LRRFIP1: variants seen among roughly 807,000 people sequenced by gnomAD.
LRRFIP1 encodes the protein LRR binding FLII interacting protein 1.
Under a neutral mutation model 104.4 loss-of-function variants are expected in LRRFIP1, and 62 were observed. That is an observed-to-expected ratio of 0.59 (90% CI 0.48 to 0.73). The LOEUF (loss-of-function observed/expected upper bound fraction) is 0.73. Among genes scored for constraint, LRRFIP1 ranks in the 30% least tolerant of loss-of-function variants. The probability of loss-of-function intolerance (pLI) is 0.00; values close to 1 mark genes in which losing one functional copy is unlikely to be tolerated. For missense variants in LRRFIP1, 796 were observed against 824.5 expected, an observed-to-expected ratio of 0.97 and a Z score of 0.42; for synonymous variants, 300 against 299.0, an observed-to-expected ratio of 1.00 and a Z score of -0.03.
intron 1 of LRRFIP1, among the ~76,000 whole-genome samples, chr2:237,677,572 G>A (rs568110675): frequency 1.2e-4 from 18 of 152,260 alleles, no homozygotes; most frequent in African/African-American, 3.6e-4. Flanking sequence ...CAGGAGGATC[G>A]CTTAAGGCCA....
At chr2:237,708,492 T>G (rs1013994330) in intron 1 of LRRFIP1, 52 bp from the exon 2 acceptor site, 10 of 1,387,828 alleles carry the variant, frequency 7.2e-6, no homozygotes, top group Non-Finnish European at 9.8e-6. Context: ...GACCCTGTAC[T>G]GGGAAGGTGC....
intron 17 of LRRFIP1, among the ~76,000 whole-genome samples, chr2:237,758,151 A>T (rs746687523): frequency 1.3e-5 from 2 of 148,666 alleles, no homozygotes; most frequent in Non-Finnish European, 3.0e-5. Context: ...ACGTCGAGAT[A>T]CCTGCACAAA....
intron 1 of LRRFIP1, among the ~76,000 whole-genome samples, chr2:237,638,403 CA>C (rs1460871171): frequency 1.3e-5 from 2 of 152,204 alleles, no homozygotes; most frequent in Non-Finnish European, 2.9e-5. Flanking sequence ...GCTGTAAATA[CA>C]GATGAAGCTT....
At position 237,642,135 on chromosome 2, in the gene LRRFIP1, G is replaced by A. The variant is rs547675961; in HGVS notation, c.96+14395G>A. ...GTGTTTCCACCTGGCAAGGGGAGGCGATACTGGGTGGCTGTGAGGAGTCTA... is the reference window on the plus strand; with the variant it reads ...GTGTTTCCACCTGGCAAGGGGAGGCAATACTGGGTGGCTGTGAGGAGTCTA... On this transcript the variant is annotated intron_variant, in intron 1 of 23. Coordinates refer to ENST00000308482, the MANE Select transcript of LRRFIP1 (RefSeq NM_001137550.2). Among the ~76,000 whole-genome samples, 42 of 152,340 alleles carry A rather than the reference G, an allele frequency of 2.8e-4. No individual in the cohort carries two copies. In the South Asian group the frequency reaches 3.9e-3, roughly 14 times the overall value.
chr2:237,764,941 C>T (rs2060160485), intron 19 of LRRFIP1: 1 of 985,304 alleles, frequency 1.0e-6, no homozygotes, highest in South Asian at 4.7e-5. Flanking sequence ...TTTCCTACTG[C>T]AGTATTTGAG....
At chr2:237,749,502 T>C (rs1306635542) in intron 13 of LRRFIP1, among the ~76,000 whole-genome samples, 178 bp downstream of exon 13, 1 of 152,124 alleles carries the variant, frequency 6.6e-6, no homozygotes, top group Non-Finnish European at 1.5e-5. Context: ...AGATAGTGTC[T>C]CCTGCAGGAA....
chr2:237,692,070 G>A (rs1484955315), intron 1 of LRRFIP1: 1 of 496,084 alleles, frequency 2.0e-6, no homozygotes, highest in African/African-American at 2.3e-5. Context: ...GGGTCATGGG[G>A]CGGGGGCGGT....
intron 18 of LRRFIP1, 93 bp from the exon 19 acceptor site, chr2:237,759,970 GA>G: frequency 8.3e-7 from 1 of 1,203,860 alleles, no homozygotes; most frequent in Non-Finnish European, 1.2e-6. Context: ...TGTACTTCAG[GA>G]AAAAATGGTT....
At chr2:237,744,043 A>G (rs552949244) in intron 11 of LRRFIP1, among the ~76,000 whole-genome samples, 2 of 152,284 alleles carry the variant, frequency 1.3e-5, no homozygotes, top group African/African-American at 2.4e-5. Context: ...AAACAACACT[A>G]TTTTGACTCA....
rs1483891853 is a variant in LRRFIP1 at position 237,780,964 on chromosome 2, G to A, written c.*1432G>A. Among the ~76,000 whole-genome samples the A allele has an allele frequency of 6.6e-5, 10 of 151,386 alleles. No homozygotes were observed. In the South Asian group the frequency reaches 1.7e-3, roughly 25 times the overall value. The stretch of plus-strand genomic sequence containing the variant: ...ACTGGCAAGTAGGAAACCACGGGTC[G>A]GACAGGTGAGCAAAATGTGCTGGCA... On this transcript the variant is annotated 3_prime_UTR_variant, in exon 24 of 24. Transcript: ENST00000308482.
intron 15 of LRRFIP1, among the ~76,000 whole-genome samples, chr2:237,755,158 G>A (rs957830525): frequency 3.3e-5 from 5 of 152,206 alleles, no homozygotes; most frequent in African/African-American, 1.2e-4. Context: ...CAGGGATTGC[G>A]CTGCTGTGAC....
chr2:237,633,501 C>T (rs1370604474), intron 1 of LRRFIP1, among the ~76,000 whole-genome samples: 1 of 147,708 alleles, frequency 6.8e-6, no homozygotes, highest in Non-Finnish European at 1.5e-5. Flanking sequence ...TGGCCTGGTA[C>T]TCAGGGTTGG....
rs2092771131 is a variant in LRRFIP1 at position 237,691,713 on chromosome 2, C to T, written c.97-16831C>T. On this transcript the variant is annotated intron_variant, in intron 1 of 23. Coordinates refer to ENST00000308482, the MANE Select transcript of LRRFIP1 (RefSeq NM_001137550.2). This position sits in a 1 kb window ranked among gnomAD's most constrained non-coding sequence, Gnocchi z 5.4. ...CCCCCCCCGGAGGGGACCCCCTCTT[C>T]GGGTCGACCCCTACTGGGCGCGGCA... Among the ~76,000 whole-genome samples the T allele has an allele frequency of 6.6e-6, 1 of 152,030 alleles. No homozygotes were observed. Among genetic ancestry groups the T allele is most frequent in the Non-Finnish European group, 1.5e-5 (1 of 67,970 alleles).
intron 1 of LRRFIP1, among the ~76,000 whole-genome samples, chr2:237,630,772 C>T (rs2082233555): frequency 6.6e-6 from 1 of 152,228 alleles, no homozygotes. Flanking sequence ...CCTCTTTTTC[C>T]CACAGCACCT....
At position 237,697,831 on chromosome 2, in the gene LRRFIP1, C is replaced by A. The variant is rs530926629; in HGVS notation, c.97-10713C>A. On this transcript the variant is annotated intron_variant, in intron 1 of 23. Coordinates refer to ENST00000308482, the MANE Select transcript of LRRFIP1 (RefSeq NM_001137550.2). ...CCCAGCCGCCCTCGCCTCTCAGTCCCGCACGTCTCTGTTAGTGGTAGTCAT... is the reference window on the plus strand; with the variant it reads ...CCCAGCCGCCCTCGCCTCTCAGTCCAGCACGTCTCTGTTAGTGGTAGTCAT... 2.7e-4 allele frequency among the ~76,000 whole-genome samples: 40 copies of A among 149,514 alleles called. No homozygotes were observed. The South Asian group carries it at 8.2e-3, about 31-fold the overall frequency.
chr2:237,660,984 C>T (rs183083762), intron 1 of LRRFIP1, among the ~76,000 whole-genome samples: 1 of 152,288 alleles, frequency 6.6e-6, no homozygotes, highest in African/African-American at 2.4e-5. Context: ...CTCGGATCTC[C>T]TCTTGTGAAA....
At chr2:237,724,897 C>T (rs1036225530) in intron 7 of LRRFIP1, among the ~76,000 whole-genome samples, 1 of 152,022 alleles carries the variant, frequency 6.6e-6, no homozygotes, top group African/African-American at 2.4e-5. Flanking sequence ...TCCTTGTTTC[C>T]TTTTCCATCT....
intron 1 of LRRFIP1, among the ~76,000 whole-genome samples, chr2:237,677,995 A>G (rs1188205057): frequency 6.6e-6 from 1 of 152,316 alleles, no homozygotes; most frequent in East Asian, 1.9e-4. Context: ...CTCTGAGTCC[A>G]TTGCGTCACC....
chr2:237,749,343 A>T lies in LRRFIP1; in HGVS notation c.795+19A>T, dbSNP rs772316716. On this transcript the variant is annotated intron_variant, in intron 13 of 23. Transcript: ENST00000308482. Reference sequence around the variant, plus strand: ...AATCAAGGTGAGATGCTCTCTTCTTACTGACAACTTGAGAGAACCTTTTGT... The same window carrying T: ...AATCAAGGTGAGATGCTCTCTTCTTTCTGACAACTTGAGAGAACCTTTTGT... 2 of 1,612,238 alleles carry T rather than the reference A, an allele frequency of 1.2e-6. No homozygotes were observed. The highest frequency in any genetic ancestry group is 1.7e-6 in the Non-Finnish European group (2 of 1,179,658).
Sources: allele counts gnomAD v4.1 joint callset (sites outside exome capture counted in the v4.1 genomes callset), GRCh38; gene constraint gnomAD v4.1.1; non-coding constraint Gnocchi (gnomAD v3.1); transcripts MANE v1.5; gene names NCBI Gene and HGNC (gene_info 2026-07-23, HGNC 2026-07-21).